The following SPIDR variants were observed in gnomAD, a reference collection of about 807,000 sequenced individuals.
SPIDR encodes scaffold protein involved in DNA repair.
SPIDR carries 93 observed loss-of-function variants against 104.6 expected under a neutral mutation model. The observed-to-expected ratio is 0.89, with a 90% CI of 0.75 to 1.06. The LOEUF (loss-of-function observed/expected upper bound fraction) is 1.06, where lower values mean the gene tolerates loss of function less well. Ranked by LOEUF, SPIDR falls within the 50% of genes least tolerant of loss-of-function variation. The pLI is 0.00. For missense variants in SPIDR, 1,154 were observed against 1,111.2 expected, an observed-to-expected ratio of 1.04 and a Z score of -0.55; for synonymous variants, 431 against 416.9, an observed-to-expected ratio of 1.03 and a Z score of -0.41.
chr8:47,268,704 T>G (rs911219514), intron 1 of SPIDR, among the ~76,000 whole-genome samples: 5 of 152,090 alleles, frequency 3.3e-5, no homozygotes, highest in African/African-American at 9.7e-5. Flanking sequence ...GGGATGCTCC[T>G]GTTTTGGCCT....
intron 8 of SPIDR, among the ~76,000 whole-genome samples, chr8:47,489,469 C>T (rs2078289796): frequency 6.6e-6 from 1 of 152,182 alleles, no homozygotes. Flanking sequence ...ATCAAGCTAC[C>T]AATGACTTTC....
chr8:47,694,504 C>T (rs1229633605), intron 11 of SPIDR, among the ~76,000 whole-genome samples: 1 of 152,178 alleles, frequency 6.6e-6, no homozygotes, highest in Non-Finnish European at 1.5e-5. Flanking sequence ...CATGATGGCT[C>T]ACACCTGTAA....
At chr8:47,275,095 T>C (rs2036126019) in intron 1 of SPIDR, among the ~76,000 whole-genome samples, 1 of 151,152 alleles carries the variant, frequency 6.6e-6, no homozygotes, top group Non-Finnish European at 1.5e-5. Context: ...CGGTCTCTAC[T>C]GAAAATACAA....
chr8:47,707,093 A>G (rs1387767334), intron 14 of SPIDR, among the ~76,000 whole-genome samples: 1 of 151,432 alleles, frequency 6.6e-6, no homozygotes, highest in Non-Finnish European at 1.5e-5. Flanking sequence ...TCTCTACTAA[A>G]ACTACAAAAA....
At chr8:47,466,121 A>C (rs903927268) in intron 8 of SPIDR, among the ~76,000 whole-genome samples, 4 of 152,196 alleles carry the variant, frequency 2.6e-5, no homozygotes, top group Non-Finnish European at 5.9e-5. Flanking sequence ...TCATCAAGGC[A>C]GAAAATTAAC....
At chr8:47,526,293 C>T (rs1226383454) in intron 8 of SPIDR, among the ~76,000 whole-genome samples, 1 of 152,102 alleles carries the variant, frequency 6.6e-6, no homozygotes, top group African/African-American at 2.4e-5. Flanking sequence ...CTGGTCTGGT[C>T]CATTGGATTA....
intron 8 of SPIDR, among the ~76,000 whole-genome samples, chr8:47,506,764 C>T (rs2154374117): frequency 6.6e-6 from 1 of 152,250 alleles, no homozygotes; most frequent in African/African-American, 2.4e-5. Flanking sequence ...AAAACCAAAC[C>T]TGAGTAGGCA....
chr8:47,625,022 C>G (rs147825531), intron 10 of SPIDR, among the ~76,000 whole-genome samples: 2,753 of 152,250 alleles, frequency 0.018, 82 homozygotes, highest in African/African-American at 0.064. Context: ...AGCAGCACCT[C>G]AAAAAGCTTA....
At chr8:47,438,318 G>T (rs778090197) in intron 7 of SPIDR, among the ~76,000 whole-genome samples, 10 of 152,182 alleles carry the variant, frequency 6.6e-5, no homozygotes, top group Non-Finnish European at 1.5e-4. Flanking sequence ...ATAGGTACAA[G>T]TTTTAAAAAT....
intron 5 of SPIDR, among the ~76,000 whole-genome samples, chr8:47,345,950 T>G (rs1351246320): frequency 6.6e-6 from 1 of 152,206 alleles, no homozygotes; most frequent in African/African-American, 2.4e-5. Context: ...TTGAAAACCC[T>G]TTATTTCTTT....
At chr8:47,467,144 C>A (rs1554717954) in intron 8 of SPIDR, among the ~76,000 whole-genome samples, 1 of 151,844 alleles carries the variant, frequency 6.6e-6, no homozygotes, top group African/African-American at 2.4e-5. Flanking sequence ...GATGCATGCA[C>A]CCTCCCAGGA....
chr8:47,425,099 T>G (rs1042220345), intron 7 of SPIDR, among the ~76,000 whole-genome samples: 1 of 152,232 alleles, frequency 6.6e-6, no homozygotes, highest in Non-Finnish European at 1.5e-5. Context: ...AGTAATATTC[T>G]CAGTGTTTTT....
intron 8 of SPIDR, among the ~76,000 whole-genome samples, chr8:47,534,169 C>T (rs942052685): frequency 6.6e-6 from 1 of 152,202 alleles, no homozygotes; most frequent in African/African-American, 2.4e-5. Context: ...GTAAGTTTCC[C>T]GAGGCCATCC....
chr8:47,279,947 GGGCAGCTGC>G lies in SPIDR; in HGVS notation c.120_128del (p.Ala41_Ala43del). The G allele has an allele frequency of 6.2e-7, 1 of 1,614,134 alleles. No individual in the cohort carries two copies. The highest frequency in any genetic ancestry group is 1.1e-5 in the South Asian group (1 of 91,076). ...AGAAGAGCAGGTCTCAGGACAGCAG[GGGCAGCTGC>G]CTCTCTCTCTGAAGCATGGCTCAGG... On this transcript the variant is annotated inframe_deletion, in exon 2 of 20. Coordinates refer to ENST00000297423, the MANE Select transcript of SPIDR (RefSeq NM_001080394.4).
chr8:47,546,668 T>C (rs1435850087), intron 8 of SPIDR: 5 of 153,634 alleles, frequency 3.3e-5, no homozygotes, highest in Non-Finnish European at 5.8e-5. Context: ...TTTTCCTAAG[T>C]TCCTGGAGAG....
chr8:47,698,661 G>T (rs2079689158), intron 11 of SPIDR, among the ~76,000 whole-genome samples: 1 of 152,188 alleles, frequency 6.6e-6, no homozygotes, highest in Non-Finnish European at 1.5e-5. Flanking sequence ...CTATGGCTGT[G>T]TGCTTCTAGA....
At chr8:47,564,082 T>C (rs957005752) in intron 8 of SPIDR, among the ~76,000 whole-genome samples, 3 of 130,428 alleles carry the variant, frequency 2.3e-5, no homozygotes, top group Admixed American at 2.2e-4. Context: ...CTTTTTTTTT[T>C]TTTTTTTTTT....
At chr8:47,595,725 A>G (rs1156740431) in intron 8 of SPIDR, 86 bp from the exon 9 acceptor site, 2 of 1,326,628 alleles carry the variant, frequency 1.5e-6, no homozygotes, top group Non-Finnish European at 2.1e-6. Flanking sequence ...CAGGCGAGTC[A>G]TTGCTCTTTG....
At chr8:47,568,741 C>T (rs1055198585) in intron 8 of SPIDR, among the ~76,000 whole-genome samples, 1 of 152,034 alleles carries the variant, frequency 6.6e-6, no homozygotes, top group Non-Finnish European at 1.5e-5. Context: ...GCAAAACATC[C>T]CCGCCAAAAG....
Sources: gnomAD v4.1 joint callset for allele counts (sites outside exome capture counted in the v4.1 genomes callset) on GRCh38, gnomAD v4.1.1 for gene constraint, MANE v1.5 for transcripts, NCBI Gene and HGNC (gene_info 2026-07-23, HGNC 2026-07-21) for gene names.